Variants in COL4A6 observed in about 807,000 individuals in gnomAD.
COL4A6 encodes the protein collagen alpha-6(IV) chain.
Under a neutral mutation model 126.7 loss-of-function variants are expected in COL4A6, and 59 were observed. The observed-to-expected ratio is 0.47, with a 90% confidence interval of 0.38 to 0.58. The LOEUF is 0.58. COL4A6 is among the 20% of genes least tolerant of loss of function. The pLI is 0.00. For synonymous variants in COL4A6, 547 were observed against 496.6 expected, an observed-to-expected ratio of 1.10 and a Z score of -1.35; for missense variants, 1,285 against 1,337.3, an observed-to-expected ratio of 0.96 and a Z score of 0.61.
At chrX:108,260,069 G>A (rs893435337) in intron 3 of COL4A6, among the ~76,000 whole-genome samples, 9 of 109,371 alleles carry the variant, frequency 8.2e-5, no homozygotes, top group East Asian at 5.7e-4. Flanking sequence ...GAAAAGTCTC[G>A]ACTAGATAAG....
At chrX:108,360,787 C>A (rs1050368542) in intron 2 of COL4A6, among the ~76,000 whole-genome samples, 1 of 111,001 alleles carries the variant, frequency 9.0e-6, no homozygotes, top group African/African-American at 3.3e-5. Flanking sequence ...CTGCCCACCT[C>A]GGCCTCCCAA....
At chrX:108,402,068 T>C (rs926565487) in intron 2 of COL4A6, among the ~76,000 whole-genome samples, 1 of 111,261 alleles carries the variant, frequency 9.0e-6, no homozygotes, top group Non-Finnish European at 1.9e-5. Context: ...GGCCAGTAAT[T>C]TTCCTTTCTC....
intron 2 of COL4A6, chrX:108,384,117 A>G (rs1209874617): frequency 7.4e-6 from 2 of 269,624 alleles, no homozygotes; most frequent in African/African-American, 2.9e-5. Context: ...CCATTTATCC[A>G]TTTCTCTACC....
intron 2 of COL4A6, among the ~76,000 whole-genome samples, chrX:108,426,665 A>G (rs1384178623): frequency 8.9e-6 from 1 of 112,006 alleles, no homozygotes; most frequent in Non-Finnish European, 1.9e-5. Flanking sequence ...TAATTAAACA[A>G]CTTTTTTTTC....
intron 3 of COL4A6, among the ~76,000 whole-genome samples, chrX:108,293,630 G>C (rs1270471564): frequency 1.8e-5 from 2 of 111,405 alleles, no homozygotes; most frequent in Non-Finnish European, 3.8e-5. Context: ...GTCTGCTGAG[G>C]CTACTTGGTT....
intron 2 of COL4A6, among the ~76,000 whole-genome samples, chrX:108,366,838 A>G (rs778354848): frequency 7.2e-5 from 8 of 111,797 alleles, no homozygotes; most frequent in South Asian, 7.5e-4. Context: ...TTCTTTACAG[A>G]TTCTTTTTTG....
chrX:108,430,827 G>A (rs1409961398), intron 2 of COL4A6, among the ~76,000 whole-genome samples: 2 of 111,718 alleles, frequency 1.8e-5, no homozygotes, highest in Non-Finnish European at 3.8e-5. Flanking sequence ...TAACTATACT[G>A]TATTTGGGGC....
At chrX:108,222,942 G>C (rs1486517662) in intron 3 of COL4A6, among the ~76,000 whole-genome samples, 2 of 111,961 alleles carry the variant, frequency 1.8e-5, no homozygotes, top group African/African-American at 6.5e-5. Flanking sequence ...AAAAAATAGT[G>C]CTGGGGTGCT....
At chrX:108,214,865 TG>T (rs2035814813) in intron 5 of COL4A6, among the ~76,000 whole-genome samples, 1 of 112,733 alleles carries the variant, frequency 8.9e-6, no homozygotes, top group Non-Finnish European at 1.9e-5. Flanking sequence ...CTGAGGCAGT[TG>T]TTTTGCTGGG....
intron 3 of COL4A6, among the ~76,000 whole-genome samples, chrX:108,292,771 C>T (rs1317314380): frequency 9.2e-6 from 1 of 108,632 alleles, no homozygotes; most frequent in Non-Finnish European, 1.9e-5. Flanking sequence ...AGTCTCAGCC[C>T]CCATCTCAGC....
At chrX:108,388,120 G>A (rs1306105183) in intron 2 of COL4A6, among the ~76,000 whole-genome samples, 1 of 112,022 alleles carries the variant, frequency 8.9e-6, no homozygotes, top group Admixed American at 9.5e-5. Flanking sequence ...CGGTTTGCCA[G>A]TATCTTATTG....
At chrX:108,274,980 T>A (rs1205827685) in intron 3 of COL4A6, among the ~76,000 whole-genome samples, 2 of 111,502 alleles carry the variant, frequency 1.8e-5, no homozygotes, top group Non-Finnish European at 3.8e-5. Flanking sequence ...ATACAGGTCA[T>A]ATAGGCGGGG....
chrX:108,210,119 C>T, intron 7 of COL4A6, 115 bp from the exon 8 acceptor site: 1 of 662,516 alleles, frequency 1.5e-6, no homozygotes, highest in Non-Finnish European at 2.3e-6. Context: ...TGGGCCTCCT[C>T]TGTCAAAGTC....
At chrX:108,268,009 A>G (rs1229483397) in intron 3 of COL4A6, 1 of 112,391 alleles carries the variant, frequency 8.9e-6, no homozygotes, top group African/African-American at 3.2e-5. Flanking sequence ...GGGCTTGGCA[A>G]AAACACAGCT....
At chrX:108,232,302 C>T (rs1171619858) in intron 3 of COL4A6, among the ~76,000 whole-genome samples, 4 of 111,339 alleles carry the variant, frequency 3.6e-5, no homozygotes, top group Non-Finnish European at 5.7e-5. Flanking sequence ...ATGGGAATTG[C>T]AAGAATAAAA....
At chrX:108,226,069 C>T in intron 3 of COL4A6, among the ~76,000 whole-genome samples, 1 of 112,527 alleles carries the variant, frequency 8.9e-6, no homozygotes, top group Non-Finnish European at 1.9e-5. Flanking sequence ...GTTAGGTACA[C>T]TTTAAATGAA....
chrX:108,231,958 A>AC (rs1330266497), intron 3 of COL4A6, among the ~76,000 whole-genome samples: 1 of 111,942 alleles, frequency 8.9e-6, no homozygotes, highest in African/African-American at 3.2e-5. Flanking sequence ...GTCAGTGGGT[A>AC]ATGGTTAGTT....
chrX:108,238,434 C>T (rs1457636847), intron 3 of COL4A6, among the ~76,000 whole-genome samples: 1 of 110,123 alleles, frequency 9.1e-6, no homozygotes, highest in African/African-American at 3.3e-5. Flanking sequence ...ATTGATATTG[C>T]TGTCTTTGGG....
intron 5 of COL4A6, among the ~76,000 whole-genome samples, chrX:108,216,663 G>A (rs911921135): frequency 7.1e-5 from 8 of 112,566 alleles, no homozygotes; most frequent in Admixed American, 3.7e-4. Context: ...CTCCAAGAGC[G>A]TATAGCTCTT....
Sources: gnomAD v4.1 joint callset for allele counts (sites outside exome capture counted in the v4.1 genomes callset) on GRCh38, gnomAD v4.1.1 for gene constraint, MANE v1.5 for transcripts, NCBI Gene and HGNC (gene_info 2026-07-23, HGNC 2026-07-21) for gene names.